PLEKHG2: variants seen among roughly 807,000 people sequenced by gnomAD.
PLEKHG2 encodes pleckstrin homology domain-containing family G member 2.
Under a neutral mutation model 104.4 loss-of-function variants are expected in PLEKHG2, and 71 were observed. That is an observed-to-expected ratio of 0.68 (90% CI 0.56 to 0.83). The LOEUF (loss-of-function observed/expected upper bound fraction) is 0.83, where lower values mean the gene tolerates loss of function less well. Among genes scored for constraint, PLEKHG2 ranks in the 40% least tolerant of loss-of-function variants. PLEKHG2 has a pLI of 0.00. For missense variants in PLEKHG2, 1,730 were observed against 1,809.4 expected, an observed-to-expected ratio of 0.96 and a Z score of 0.80; for synonymous variants, 728 against 737.0, an observed-to-expected ratio of 0.99 and a Z score of 0.20.
chr19:39,422,213 A>G lies in PLEKHG2; in HGVS notation c.1602A>G (p.Thr534=). 1 of 1,613,782 alleles carries G rather than the reference A, an allele frequency of 6.2e-7. No homozygotes were observed. The highest frequency in any genetic ancestry group is 8.5e-7 in the Non-Finnish European group (1 of 1,179,916). ...PEDLEDAGPP[T]LDPSGTSITE... ...ACCTGGAGGATGCTGGACCCCCAAC[A>G]CTGGACCCCTCTGGGACCTCAATCA... Residue 534 remains threonine, a synonymous_variant, in exon 17 of 19, where the codon ACA becomes ACG. Transcript: ENST00000425673.
In PLEKHG2 at chr19:39,417,575, G is replaced by A. The variant is rs142309421; in HGVS notation, c.765G>A (p.Ala255=). ...LLLQELGKHW[A]EGPGTGGREM... is the part of the protein sequence containing the mutation. Reference sequence around the variant, plus strand: ...GACAGGAACTAGGGAAGCACTGGGCGGAGGGCCCAGGCACTGGGGGTCGCG... The same window carrying A: ...GACAGGAACTAGGGAAGCACTGGGCAGAGGGCCCAGGCACTGGGGGTCGCG... Residue 255 remains alanine, a synonymous_variant, in exon 8 of 19, where the codon GCG becomes GCA. Coordinates refer to ENST00000425673, the MANE Select transcript of PLEKHG2 (RefSeq NM_022835.3). 5.1e-5 allele frequency: 83 copies of A among 1,613,988 alleles called. No homozygotes were observed. In the African/African-American group the frequency reaches 7.1e-4, roughly 14 times the overall value.
chr19:39,423,453 G>A lies in PLEKHG2; in HGVS notation c.2399G>A (p.Ser800Asn). The change falls in exon 18 of 19, where the codon AGC (serine) becomes AAC (asparagine). Residue 800 changes from serine to asparagine, a missense_variant. By Grantham distance (46) the Ser-to-Asn change is conservative. Transcript: ENST00000425673. ...ILEDSDLGGD[S>N]GSGKAGAPSS... ...GAGGATTCGGATCTGGGTGGAGACA[G>A]CGGGAGCGGGAAGGCAGGAGCCCCG... 6.2e-7 allele frequency: 1 copy of A among 1,605,556 alleles called. No individual in the cohort carries two copies. The highest frequency in any genetic ancestry group is 8.5e-7 in the Non-Finnish European group (1 of 1,174,618).
At position 39,413,959 on chromosome 19, in the gene PLEKHG2, C is replaced by G; in HGVS notation, c.-22-106C>G. Reference sequence around the variant, plus strand: ...CCCCATTAGTTACTCCCAGGGGCCCCTCCCTGGATTTACACCACGCTCCTA... The same window carrying G: ...CCCCATTAGTTACTCCCAGGGGCCCGTCCCTGGATTTACACCACGCTCCTA... On this transcript the variant is annotated intron_variant, in intron 1 of 18. Transcript: ENST00000425673. This position sits in a 1 kb window ranked among gnomAD's most constrained non-coding sequence, Gnocchi z 4.5. 2 of 717,264 alleles carry G rather than the reference C, an allele frequency of 2.8e-6. No homozygotes were observed. 44.4% of individuals were successfully genotyped at this position (717,264 alleles called of 1,614,324 possible).
chr19:39,421,322 G>A, intron 16 of PLEKHG2, 23 bp downstream of exon 16: 1 of 1,612,290 alleles, frequency 6.2e-7, no homozygotes, highest in Non-Finnish European at 8.5e-7. Flanking sequence ...TCGAGATAGG[G>A]TCTGGGCACC....
At position 39,424,679 on chromosome 19, in the gene PLEKHG2, G is replaced by A. The variant is rs371246219; in HGVS notation, c.3546G>A (p.Pro1182=). 1.6e-5 allele frequency: 26 copies of A among 1,614,036 alleles called. No individual in the cohort carries two copies. Among genetic ancestry groups the A allele is most frequent in the Admixed American group, 3.3e-5 (2 of 59,988 alleles). The change falls in exon 19 of 19, where the codon CCG becomes CCA. Residue 1182 remains proline, a synonymous_variant. Transcript: ENST00000425673. ...GTCCAGCGGCTGCACCTCCACTTCC[G>A]GAGCCAAGCCTTACAGATACACAGG... ...IQGPAAAPPL[P]EPSLTDTQVQ...
intron 9 of PLEKHG2, among the ~76,000 whole-genome samples, chr19:39,418,361 T>C (rs1423306256): frequency 1.3e-5 from 2 of 151,884 alleles, no homozygotes; most frequent in Non-Finnish European, 2.9e-5. Flanking sequence ...GGCGGATCAC[T>C]TGAGGTCAGG....
At chr19:39,419,290 G>A (rs1462852699) in intron 11 of PLEKHG2, among the ~76,000 whole-genome samples, 1 of 152,108 alleles carries the variant, frequency 6.6e-6, no homozygotes, top group Non-Finnish European at 1.5e-5. Context: ...CCACGTCATG[G>A]GCTTGACCAA....
Position 39,424,876 on chromosome 19 carries a change from T to A in PLEKHG2, c.3743T>A (p.Val1248Asp). The A allele has an allele frequency of 6.2e-7, 1 of 1,614,172 alleles. No individual in the cohort carries two copies. Among genetic ancestry groups the A allele is most frequent in the Non-Finnish European group, 8.5e-7 (1 of 1,180,028 alleles). Residue 1248 changes from valine (V) to aspartate (D), a missense_variant, in exon 19 of 19, where the codon GTT becomes GAT. Transcript: ENST00000425673. ...SKPGGSLASH[V>D]ARLESSDLTP... ...CCAGGAGGCTCCTTAGCCTCTCACG[T>A]TGCCAGGTTGGAGTCTTCAGACTTG...
chr19:39,420,253 A>C (rs1293040618), intron 11 of PLEKHG2, among the ~76,000 whole-genome samples: 2 of 146,074 alleles, frequency 1.4e-5, no homozygotes, highest in Non-Finnish European at 3.0e-5. Context: ...CAGCAACTCA[A>C]GAGGCTGAGG....
At position 39,424,121 on chromosome 19, in the gene PLEKHG2, T is replaced by C; in HGVS notation, c.2988T>C (p.Val996=). 1 of 1,614,064 alleles carries C rather than the reference T, an allele frequency of 6.2e-7. No individual in the cohort carries two copies. The highest frequency in any genetic ancestry group is 2.2e-5 in the East Asian group (1 of 44,872). Residue 996 remains valine, a synonymous_variant, in exon 19 of 19, where the codon GTT becomes GTC. Transcript: ENST00000425673. ...TPLPEHRSHM[V]IPAPSTAFCP... is the part of the protein sequence containing the mutation. ...TGCCTGAGCATAGAAGTCACATGGT[T>C]ATACCAGCTCCATCCACCGCCTTTT...
At position 39,416,565 on chromosome 19, in the gene PLEKHG2, C is replaced by T; in HGVS notation, c.561C>T (p.Asp187=). Residue 187 remains aspartate, a synonymous_variant, in exon 6 of 19, where the codon GAC becomes GAT. Transcript: ENST00000425673. The surrounding 1 kb of genome is among the most constrained non-coding windows in gnomAD (Gnocchi z 4.5). ...ECFVQRSEDF[D]IYTLYCMNYP... is the part of the protein sequence containing the mutation. ...GTCACCCGCAGAGCGAGGATTTTGA[C>T]ATCTACACATTGTACTGCATGAACT... 1.2e-6 allele frequency: 2 copies of T among 1,609,408 alleles called. No homozygotes were observed. The highest frequency in any genetic ancestry group is 8.5e-7 in the Non-Finnish European group (1 of 1,178,190).
Position 39,425,401 on chromosome 19 carries a change from C to T in PLEKHG2, c.*107C>T, listed in dbSNP as rs773893152. 42 of 1,457,366 alleles carry T rather than the reference C, an allele frequency of 2.9e-5. No individual in the cohort carries two copies. The highest frequency in any genetic ancestry group is 1.5e-4 in the South Asian group (10 of 68,490). 90.3% of individuals were successfully genotyped at this position (1,457,366 alleles called of 1,614,324 possible). On this transcript the variant is annotated 3_prime_UTR_variant, in exon 19 of 19. Coordinates refer to ENST00000425673, the MANE Select transcript of PLEKHG2 (RefSeq NM_022835.3). ...CTGAACGCAGGCCTCAAAACTGCTG[C>T]GGCCTTCCAACTCCTGGTATCTGCA... is the stretch of plus-strand genomic sequence containing the variant.
At position 39,416,307 on chromosome 19, in the gene PLEKHG2, G is replaced by A. The variant is rs780380737; in HGVS notation, c.480-41G>A. The A allele has an allele frequency of 1.9e-6, 3 of 1,606,972 alleles. No individual in the cohort carries two copies. Among genetic ancestry groups the A allele is most frequent in the Admixed American group, 1.7e-5 (1 of 59,856 alleles). ...CCTGGAGGCCTCCCATGGAGGGGTCGTGAAGGCAGGCGGTTCCTCACCCTC... is the reference window on the plus strand; with the variant it reads ...CCTGGAGGCCTCCCATGGAGGGGTCATGAAGGCAGGCGGTTCCTCACCCTC... On this transcript the variant is annotated intron_variant, in intron 4 of 18. Coordinates refer to ENST00000425673, the MANE Select transcript of PLEKHG2 (RefSeq NM_022835.3). The surrounding 1 kb of genome is among the most constrained non-coding windows in gnomAD (Gnocchi z 4.5).
intron 2 of PLEKHG2, 23 bp from the exon 3 acceptor site, chr19:39,414,969 C>T: frequency 1.3e-6 from 2 of 1,564,220 alleles, no homozygotes; most frequent in African/African-American, 1.4e-5. Flanking sequence ...ATTTCTCTGA[C>T]CTCCTGTTCC....
In PLEKHG2 at chr19:39,425,093, CCCCCAG is replaced by C. The variant is rs1568401952; in HGVS notation, c.3969_3974del (p.Gln1324_Pro1325del). 1 of 1,587,954 alleles carries C rather than the reference CCCCCAG, an allele frequency of 6.3e-7. No homozygotes were observed. The highest frequency in any genetic ancestry group is 1.8e-5 in the Admixed American group (1 of 56,260). On this transcript the variant is annotated inframe_deletion, in exon 19 of 19. Coordinates refer to ENST00000425673, the MANE Select transcript of PLEKHG2 (RefSeq NM_022835.3). The stretch of plus-strand genomic sequence containing the variant: ...CCACGTCACGGGCATCTTCGCCGCC[CCCCCAG>C]CCCCAGCCACCACCTCCCCCAGCCA...
chr19:39,418,002 GC>G lies in PLEKHG2; in HGVS notation c.985del (p.Arg329GlyfsTer37). On this transcript the variant is annotated frameshift_variant, in exon 9 of 19. Coordinates refer to ENST00000425673, the MANE Select transcript of PLEKHG2 (RefSeq NM_022835.3). LOFTEE classifies it high-confidence loss of function. Reference sequence around the variant, plus strand: ...GCGTTCCGAGGAGGCGGAGGGGGTGGCCCCCGGCTACGAGGGGGTGAGCGGC... The same window carrying G: ...GCGTTCCGAGGAGGCGGAGGGGGTGGCCCCGGCTACGAGGGGGTGAGCGGC... The part of the protein sequence containing the change: ...EGAFRGGGGG[G>X]PRLRGGERLL... 4.5e-6 allele frequency: 7 copies of G among 1,555,936 alleles called. No homozygotes were observed. The highest frequency in any genetic ancestry group is 4.3e-6 in the Non-Finnish European group (5 of 1,152,938).
At position 39,415,624 on chromosome 19, in the gene PLEKHG2, G is replaced by A. The variant is rs2078591692; in HGVS notation, c.479+185G>A. ...GAGGGAGGGGCATAGGGGATGGGAG[G>A]ACCCCGAGTGAGGGAGGGGCATAGC... On this transcript the variant is annotated intron_variant, in intron 4 of 18. Coordinates refer to ENST00000425673, the MANE Select transcript of PLEKHG2 (RefSeq NM_022835.3). The surrounding 1 kb of genome is among the most constrained non-coding windows in gnomAD (Gnocchi z 4.6). Among the ~76,000 whole-genome samples the A allele has an allele frequency of 6.6e-6, 1 of 151,414 alleles. No homozygotes were observed. Among genetic ancestry groups the A allele is most frequent in the Non-Finnish European group, 1.5e-5 (1 of 67,808 alleles).
At position 39,424,987 on chromosome 19, in the gene PLEKHG2, A is replaced by G. The variant is rs200639701; in HGVS notation, c.3854A>G (p.Tyr1285Cys). ...AALSRYLAAS[Y>C]ISQSLARRQG... is the part of the protein sequence containing the mutation. ...CTCTCCAGATACCTGGCAGCCTCAT[A>G]TATCAGCCAGAGCCTGGCTCGGCGG... is the stretch of plus-strand genomic sequence containing the variant. The change falls in exon 19 of 19, where the codon TAT (tyrosine) becomes TGT (cysteine). Residue 1285 changes from tyrosine (Y) to cysteine (C), a missense_variant. Tyr to Cys is a radical substitution (Grantham distance 194). Transcript: ENST00000425673. 63 of 1,613,528 alleles carry G rather than the reference A, an allele frequency of 3.9e-5. No homozygotes were observed. The East Asian group carries it at 7.1e-4, about 18-fold the overall frequency.
rs1201237393 is a variant in PLEKHG2, at chr19:39,427,630, C to G, written c.*2336C>G. 2 of 152,186 alleles carry G rather than the reference C, an allele frequency of 1.3e-5. No individual in the cohort carries two copies. Among genetic ancestry groups the G allele is most frequent in the Non-Finnish European group, 2.9e-5 (2 of 68,042 alleles). 9.4% of individuals were successfully genotyped at this position (152,186 alleles called of 1,614,324 possible). On this transcript the variant is annotated 3_prime_UTR_variant, in exon 19 of 19. Coordinates refer to ENST00000425673, the MANE Select transcript of PLEKHG2 (RefSeq NM_022835.3). The stretch of plus-strand genomic sequence containing the variant: ...CAGGCGTGAGCTACCATACCCTGCC[C>G]AGGAATCTGAATTTTTAGCAATCAG...
Sources: allele counts gnomAD v4.1 joint callset (sites outside exome capture counted in the v4.1 genomes callset), GRCh38; gene constraint gnomAD v4.1.1; non-coding constraint Gnocchi (gnomAD v3.1); transcripts MANE v1.5; gene names NCBI Gene and HGNC (gene_info 2026-07-23, HGNC 2026-07-21).